DENND2B: variants seen among roughly 807,000 people sequenced by gnomAD.
DENND2B encodes the protein DENN domain containing 2B.
A neutral mutation model predicts 116.0 loss-of-function variants in DENND2B; 32 were observed. That is an observed-to-expected ratio of 0.28 (90% confidence interval 0.21 to 0.37). DENND2B has a LOEUF of 0.37. Ranked by LOEUF, DENND2B falls within the 10% of genes least tolerant of loss-of-function variation. The pLI is 1.00. For synonymous variants in DENND2B, 588 were observed against 583.9 expected (o/e 1.01, Z -0.10); for missense variants, 1,276 against 1,477.7 (o/e 0.86, Z 2.24).
Position 8,696,617 on chromosome 11 carries a change from A to G in DENND2B, c.3102T>C (p.Phe1034=). 2 of 1,614,164 alleles carry G rather than the reference A, an allele frequency of 1.2e-6. No individual in the cohort carries two copies. The highest frequency in any genetic ancestry group is 1.7e-6 in the Non-Finnish European group (2 of 1,180,026). The change falls in exon 18 of 20, where the codon TTT becomes TTC. Residue 1034 remains phenylalanine, a synonymous_variant. Coordinates refer to ENST00000313726, the MANE Select transcript of DENND2B (RefSeq NM_213618.2). The part of the protein sequence containing the change: ...GLVSEVFIRF[F]VETVGHYSLF... ...GGGAGTAGTGCCCAACGGTCTCCAC[A>G]AAGAACCGGATAAACACCTCCGACA...
chr11:8,829,682 T>C (rs1398820775), intron 4 of DENND2B, among the ~76,000 whole-genome samples: 2 of 152,134 alleles, frequency 1.3e-5, no homozygotes, highest in African/African-American at 4.8e-5. Flanking sequence ...CACACTCTCT[T>C]CCATGCTGCT....
intron 19 of DENND2B, among the ~76,000 whole-genome samples, chr11:8,694,968 G>C (rs1424726746): frequency 6.6e-6 from 1 of 152,170 alleles, no homozygotes; most frequent in African/African-American, 2.4e-5. Context: ...AGGTGGAGGA[G>C]GGAGGATCAC....
At chr11:8,872,807 CA>C (rs1439801683), upstream of DENND2B, among the ~76,000 whole-genome samples, 1 of 152,138 alleles carries the variant, frequency 6.6e-6, no homozygotes, top group East Asian at 1.9e-4. Flanking sequence ...ATTGAAAACA[CA>C]AAGGCCAAAA....
At chr11:8,815,756 T>A (rs535289224) in intron 4 of DENND2B, among the ~76,000 whole-genome samples, 1 of 152,318 alleles carries the variant, frequency 6.6e-6, no homozygotes. Context: ...TGCACACCTG[T>A]CTCCCCCACA....
intron 1 of DENND2B, chr11:8,809,643 CAAGTTTTACCAAAACTT>C (rs2061204980): frequency 6.6e-6 from 1 of 152,256 alleles, no homozygotes; most frequent in African/African-American, 2.4e-5. Flanking sequence ...TAGGTCAGAA[CAAGTTTTACCAAAACTT>C]AGGACAATCA....
intron 2 of DENND2B, among the ~76,000 whole-genome samples, chr11:8,737,679 T>TTC (rs1450768547): frequency 8.5e-6 from 1 of 117,690 alleles, no homozygotes; most frequent in Non-Finnish European, 2.0e-5. Context: ...TTCTTTCTCT[T>TTC]TCTCTCTCTC....
chr11:8,732,544 G>C (rs995272829), intron 2 of DENND2B, among the ~76,000 whole-genome samples: 2 of 152,196 alleles, frequency 1.3e-5, no homozygotes, highest in African/African-American at 4.8e-5. Context: ...TAAGTATCAA[G>C]GGACTTCTTG....
intron 4 of DENND2B, among the ~76,000 whole-genome samples, chr11:8,831,104 T>C (rs2062186987): frequency 6.6e-6 from 1 of 152,148 alleles, no homozygotes; most frequent in Non-Finnish European, 1.5e-5. Flanking sequence ...CAAAGAAGGA[T>C]GGCATCCTTG....
At chr11:8,855,536 C>T (rs1240128738) in intron 3 of DENND2B, among the ~76,000 whole-genome samples, 2 of 151,796 alleles carry the variant, frequency 1.3e-5, no homozygotes, top group African/African-American at 2.4e-5. Flanking sequence ...AGTGAGCCAA[C>T]GGAGCAGGCA....
At chr11:8,776,154 GCGCGCGCA>G (rs58725327) in intron 1 of DENND2B, 9,000 of 288,910 alleles carry the variant, frequency 0.031, 436 homozygotes, top group African/African-American at 0.18. Flanking sequence ...GCGCACGCGC[GCGCGCGCA>G]CACACACACA....
chr11:8,720,832 C>A (rs2046036813), intron 4 of DENND2B, among the ~76,000 whole-genome samples: 1 of 152,182 alleles, frequency 6.6e-6, no homozygotes, highest in Non-Finnish European at 1.5e-5. Flanking sequence ...AAAGGAATGG[C>A]TCAGAGTTGG....
At chr11:8,909,428 G>GGAC (rs1231664423) in intron 1 of DENND2B, among the ~76,000 whole-genome samples, 2 of 36,924 alleles carry the variant, frequency 5.4e-5, no homozygotes, top group African/African-American at 8.1e-5. Context: ...AGAGGAAGGA[G>GGAC]GAGGAGGAGG....
At chr11:8,893,783 G>A (rs2064063437) in intron 1 of DENND2B, among the ~76,000 whole-genome samples, 1 of 152,042 alleles carries the variant, frequency 6.6e-6, no homozygotes, top group African/African-American at 2.4e-5. Flanking sequence ...CCATGCTCAT[G>A]GATAGGAAGA....
At chr11:8,881,750 A>T (rs966341057) in intron 1 of DENND2B, among the ~76,000 whole-genome samples, 2 of 152,182 alleles carry the variant, frequency 1.3e-5, no homozygotes, top group African/African-American at 4.8e-5. Context: ...CACGTTGGCC[A>T]GGCTGGTCTT....
At chr11:8,849,749 A>G (rs1453505927) in intron 3 of DENND2B, among the ~76,000 whole-genome samples, 7 of 145,088 alleles carry the variant, frequency 4.8e-5, no homozygotes, top group Non-Finnish European at 9.2e-5. Flanking sequence ...CTTGAATCCA[A>G]GAGGCAGAGG....
intron 19 of DENND2B, chr11:8,694,780 C>T (rs534237618): frequency 2.9e-6 from 1 of 339,976 alleles, no homozygotes; most frequent in Non-Finnish European, 5.7e-6. Context: ...CTATTTACAG[C>T]TGGGCATGGT....
chr11:8,827,291 C>T (rs575770476), intron 4 of DENND2B, among the ~76,000 whole-genome samples: 26 of 152,304 alleles, frequency 1.7e-4, no homozygotes, highest in African/African-American at 6.3e-4. Context: ...GGACTACTGT[C>T]CCCCGCACAG....
At chr11:8,850,192 T>C (rs1275070177) in intron 3 of DENND2B, among the ~76,000 whole-genome samples, 2 of 152,032 alleles carry the variant, frequency 1.3e-5, no homozygotes, top group African/African-American at 4.8e-5. Context: ...TTTTTGTATG[T>C]GGAAAACAAA....
intron 1 of DENND2B, chr11:8,774,188 T>C: frequency 1.0e-6 from 1 of 985,446 alleles, no homozygotes; most frequent in Non-Finnish European, 1.2e-6. Context: ...TCACGTTGGG[T>C]TCTTGACAAC....
Sources: allele counts gnomAD v4.1 joint callset (sites outside exome capture counted in the v4.1 genomes callset), GRCh38; gene constraint gnomAD v4.1.1; transcripts MANE v1.5; gene names NCBI Gene and HGNC (gene_info 2026-07-23, HGNC 2026-07-21).